BTC: variants seen among roughly 807,000 people sequenced by gnomAD.
BTC encodes the protein betacellulin, also known as probetacellulin.
Under a neutral mutation model 18.1 loss-of-function variants are expected in BTC, and 13 were observed. That is an observed-to-expected ratio of 0.72 (90% confidence interval 0.47 to 1.14). The LOEUF (loss-of-function observed/expected upper bound fraction) is 1.14, where lower values mean the gene tolerates loss of function less well. Among genes scored for constraint, BTC ranks in the 50% most tolerant of loss-of-function variants. The pLI is 0.00. For synonymous variants in BTC, 83 were observed against 79.4 expected (o/e 1.05, Z -0.24); for missense variants, 247 against 224.2 (o/e 1.10, Z -0.65).
chr4:74,762,079 G>A (rs1227244012), intron 2 of BTC, among the ~76,000 whole-genome samples: 1 of 152,172 alleles, frequency 6.6e-6, no homozygotes, highest in Non-Finnish European at 1.5e-5. Flanking sequence ...CATCACCCAA[G>A]TTAGAAAATG....
intron 1 of BTC, among the ~76,000 whole-genome samples, chr4:74,789,430 G>T (rs1725564131): frequency 6.6e-6 from 1 of 152,034 alleles, no homozygotes; most frequent in East Asian, 1.9e-4. Flanking sequence ...ATAATACATT[G>T]AATATTACCT....
At chr4:74,771,707 A>G (rs1452006049) in intron 1 of BTC, among the ~76,000 whole-genome samples, 1 of 152,232 alleles carries the variant, frequency 6.6e-6, no homozygotes, top group African/African-American at 2.4e-5. Flanking sequence ...ACTCAAATCC[A>G]CTGGTGATGG....
chr4:74,769,256 C>G (rs1724979243), intron 2 of BTC, among the ~76,000 whole-genome samples: 1 of 152,024 alleles, frequency 6.6e-6, no homozygotes, highest in African/African-American at 2.4e-5. Flanking sequence ...CAGAAATAAC[C>G]CCTGTAGAAG....
chr4:74,759,324 A>T (rs1724687534), intron 2 of BTC, among the ~76,000 whole-genome samples: 1 of 152,190 alleles, frequency 6.6e-6, no homozygotes, highest in Non-Finnish European at 1.5e-5. Flanking sequence ...GCAACCAGAA[A>T]TATCCCTCTG....
chr4:74,766,770 C>A (rs748444965), intron 2 of BTC, among the ~76,000 whole-genome samples: 1 of 151,990 alleles, frequency 6.6e-6, no homozygotes, highest in Non-Finnish European at 1.5e-5. Context: ...GCCAGCATTG[C>A]CCTGATACCA....
intron 1 of BTC, among the ~76,000 whole-genome samples, chr4:74,779,341 CT>C (rs897087448): frequency 4.6e-5 from 7 of 152,008 alleles, no homozygotes; most frequent in African/African-American, 1.7e-4. Context: ...GTAAATCAAC[CT>C]TTTTTTTACT....
chr4:74,789,306 G>A (rs1245823844), intron 1 of BTC, among the ~76,000 whole-genome samples: 1 of 152,106 alleles, frequency 6.6e-6, no homozygotes, highest in African/African-American at 2.4e-5. Flanking sequence ...TTTGATCAAA[G>A]TACAAACTCT....
chr4:74,783,834 C>A (rs946818211), intron 1 of BTC, among the ~76,000 whole-genome samples: 3 of 151,944 alleles, frequency 2.0e-5, no homozygotes, highest in African/African-American at 7.3e-5. Context: ...TCCTTCACTT[C>A]CCTTGTTAGC....
chr4:74,757,134 C>A (rs554339259), intron 2 of BTC, among the ~76,000 whole-genome samples: 3 of 152,210 alleles, frequency 2.0e-5, no homozygotes, highest in African/African-American at 7.2e-5. Context: ...GAGCATGTCA[C>A]GCTAGGTTTG....
intron 1 of BTC, among the ~76,000 whole-genome samples, chr4:74,779,370 T>A (rs952812740): frequency 4.6e-5 from 7 of 152,166 alleles, no homozygotes; most frequent in African/African-American, 1.7e-4. Context: ...TTATTAAATC[T>A]GTGACAAATT....
rs1725721693 is a variant in BTC, at chr4:74,794,517, C to A, written c.-192G>T. The A allele has an allele frequency of 3.2e-6, 2 of 616,348 alleles. No individual in the cohort carries two copies. Among genetic ancestry groups the A allele is most frequent in the Non-Finnish European group, 5.5e-6 (2 of 362,172 alleles). 38.2% of individuals were successfully genotyped at this position (616,348 alleles called of 1,614,324 possible). On this transcript the variant is annotated 5_prime_UTR_variant, in exon 1 of 6. Coordinates refer to ENST00000395743, the MANE Select transcript of BTC (RefSeq NM_001729.4). ...CCCAGGGCGGGAGGCCGGCCGGCTC[C>A]GTGAATGTCGCCGGGAGGAGGGAGC...
intron 2 of BTC, among the ~76,000 whole-genome samples, chr4:74,761,673 A>G (rs1384292610): frequency 6.6e-6 from 1 of 152,182 alleles, no homozygotes; most frequent in South Asian, 2.1e-4. Flanking sequence ...CTTACACTAC[A>G]TCCAATGCAT....
intron 2 of BTC, among the ~76,000 whole-genome samples, chr4:74,761,659 C>T (rs1724760719): frequency 6.6e-6 from 1 of 152,158 alleles, no homozygotes. Flanking sequence ...TGACTTATTT[C>T]TCTCTTACAC....
At chr4:74,789,674 T>A (rs987031030) in intron 1 of BTC, among the ~76,000 whole-genome samples, 2 of 152,192 alleles carry the variant, frequency 1.3e-5, no homozygotes, top group Admixed American at 1.3e-4. Context: ...AAGAAAACTT[T>A]CCTAAATTAA....
chr4:74,770,193 A>G, intron 1 of BTC, 37 bp from the exon 2 acceptor site: 1 of 1,531,854 alleles, frequency 6.5e-7, no homozygotes, highest in East Asian at 2.3e-5. Flanking sequence ...CAAACATGAA[A>G]ATTTGCTTAT....
intron 2 of BTC, among the ~76,000 whole-genome samples, chr4:74,769,086 C>T (rs1486053295): frequency 6.6e-6 from 1 of 152,118 alleles, no homozygotes; most frequent in Non-Finnish European, 1.5e-5. Flanking sequence ...CAGTGTGTTC[C>T]TGGCTCTGTT....
chr4:74,756,656 G>T (rs1437488280), intron 2 of BTC, among the ~76,000 whole-genome samples: 1 of 152,166 alleles, frequency 6.6e-6, no homozygotes, highest in Non-Finnish European at 1.5e-5. Context: ...GTCTGTCACC[G>T]ACTCTCAGCC....
intron 1 of BTC, among the ~76,000 whole-genome samples, chr4:74,784,594 A>G (rs28773168): frequency 0.18 from 26,977 of 152,056 alleles, 3,943 homozygotes; most frequent in African/African-American, 0.41. Context: ...TTTGACGTAT[A>G]TTCTTTCAAT....
chr4:74,780,403 A>G (rs1725287857), intron 1 of BTC, among the ~76,000 whole-genome samples: 1 of 152,116 alleles, frequency 6.6e-6, no homozygotes, highest in Non-Finnish European at 1.5e-5. Context: ...ATGGAAGTGA[A>G]GTTTATTATT....
Sources: allele counts gnomAD v4.1 joint callset (sites outside exome capture counted in the v4.1 genomes callset), GRCh38; gene constraint gnomAD v4.1.1; transcripts MANE v1.5; gene names NCBI Gene and HGNC (gene_info 2026-07-23, HGNC 2026-07-21).